KIF16B: variants seen among roughly 807,000 people sequenced by gnomAD.
KIF16B encodes kinesin family member 16B.
In KIF16B, 98 loss-of-function variants were observed where a neutral mutation model predicts 156.3. The ratio of observed to expected loss-of-function variants is 0.63; its 90% CI spans 0.53 to 0.74. The LOEUF is 0.74. Ranked by LOEUF, KIF16B falls within the 30% of genes least tolerant of loss-of-function variation. The pLI, the probability that KIF16B is intolerant of heterozygous loss-of-function variation, is 0.00. For synonymous variants in KIF16B, 564 were observed against 583.7 expected, an observed-to-expected ratio of 0.97 and a Z score of 0.49; for missense variants, 1,421 against 1,606.5, an observed-to-expected ratio of 0.88 and a Z score of 1.97.
chr20:16,370,396 G>T (rs1357213050), intron 22 of KIF16B, among the ~76,000 whole-genome samples, 190 bp downstream of exon 22: 1 of 152,124 alleles, frequency 6.6e-6, no homozygotes, highest in Admixed American at 6.5e-5. Context: ...TTCAAATAAA[G>T]TCAAAGCAGT....
intron 25 of KIF16B, among the ~76,000 whole-genome samples, chr20:16,294,380 G>T (rs7264985): frequency 0.15 from 23,289 of 152,110 alleles, 2,008 homozygotes; most frequent in East Asian, 0.33. Flanking sequence ...GCAGAAGCAT[G>T]GGGGTAGGAA....
intron 17 of KIF16B, among the ~76,000 whole-genome samples, chr20:16,385,104 G>A (rs2065196660): frequency 6.6e-6 from 1 of 151,996 alleles, no homozygotes; most frequent in African/African-American, 2.4e-5. Context: ...GGCTGAGGCA[G>A]GAGAATGGCT....
At chr20:16,513,853 C>CA (rs1156870438) in intron 4 of KIF16B, among the ~76,000 whole-genome samples, 7 of 151,974 alleles carry the variant, frequency 4.6e-5, no homozygotes, top group Admixed American at 4.6e-4. Flanking sequence ...AAAAATCAGG[C>CA]AAAATGATCT....
intron 1 of KIF16B, among the ~76,000 whole-genome samples, chr20:16,538,021 T>A (rs1252424385): frequency 6.6e-6 from 1 of 152,138 alleles, no homozygotes; most frequent in Non-Finnish European, 1.5e-5. Flanking sequence ...CATTTTCAAG[T>A]AAGGCTTGTC....
chr20:16,414,921 T>C (rs1467338364), intron 15 of KIF16B, among the ~76,000 whole-genome samples: 1 of 152,150 alleles, frequency 6.6e-6, no homozygotes, highest in Admixed American at 6.6e-5. Context: ...AACACTTGAT[T>C]ATAAACTAGG....
At chr20:16,384,276 C>A (rs1051147363) in intron 17 of KIF16B, among the ~76,000 whole-genome samples, 3 of 152,178 alleles carry the variant, frequency 2.0e-5, no homozygotes, top group African/African-American at 7.2e-5. Flanking sequence ...CCTGTCCCCA[C>A]CAGGCTCCCG....
At chr20:16,373,678 G>A (rs1027610008) in intron 20 of KIF16B, among the ~76,000 whole-genome samples, 3 of 152,146 alleles carry the variant, frequency 2.0e-5, no homozygotes, top group Non-Finnish European at 2.9e-5. Flanking sequence ...CTAGGTCTTC[G>A]TTTTTGTCAA....
chr20:16,464,733 AC>A (rs1204273377), intron 12 of KIF16B, among the ~76,000 whole-genome samples: 1 of 152,158 alleles, frequency 6.6e-6, no homozygotes, highest in Non-Finnish European at 1.5e-5. Flanking sequence ...TTTCTGGGGT[AC>A]CCAAGCGCCC....
intron 1 of KIF16B, among the ~76,000 whole-genome samples, chr20:16,547,366 G>A (rs910092266): frequency 2.0e-5 from 3 of 152,226 alleles, no homozygotes. Flanking sequence ...CCCCACATGG[G>A]TGACAGCAAA....
At chr20:16,374,455 C>A (rs756077011) in intron 19 of KIF16B, 46 bp from the exon 20 acceptor site, 5 of 1,449,510 alleles carry the variant, frequency 3.4e-6, no homozygotes, top group Non-Finnish European at 4.6e-6. Context: ...TAGTATTTCC[C>A]GAGCATCCTT....
intron 12 of KIF16B, among the ~76,000 whole-genome samples, chr20:16,434,303 T>C (rs1450031489): frequency 6.6e-6 from 1 of 152,128 alleles, no homozygotes; most frequent in Non-Finnish European, 1.5e-5. Context: ...CCAGATCTCG[T>C]GGGAAGAAGA....
intron 22 of KIF16B, among the ~76,000 whole-genome samples, chr20:16,361,675 G>A (rs1433482278): frequency 6.6e-6 from 1 of 152,160 alleles, no homozygotes; most frequent in East Asian, 1.9e-4. Flanking sequence ...TACAAGTTTT[G>A]ATATATATCC....
chr20:16,494,341 A>G lies in KIF16B; in HGVS notation c.1252T>C (p.Leu418=), dbSNP rs372030762. Residue 418 remains leucine, a synonymous_variant, in exon 12 of 26, where the codon TTG becomes CTG. Coordinates refer to ENST00000354981, the MANE Select transcript of KIF16B (RefSeq NM_024704.5). ...CACTTATTTGTCCATTCCTTGGTCAATTCTTGAACCTGAAAAGAAAAATAT... is the reference window on the plus strand; with the variant it reads ...CACTTATTTGTCCATTCCTTGGTCAGTTCTTGAACCTGAAAAGAAAAATAT... ...LQQNEARVQE[L]TKEWTNKWNE... 8.1e-6 allele frequency: 13 copies of G among 1,597,088 alleles called. No individual in the cohort carries two copies. In the African/African-American group the frequency reaches 1.8e-4, roughly 22 times the overall value.
intron 25 of KIF16B, among the ~76,000 whole-genome samples, chr20:16,301,934 G>C (rs2063478142): frequency 6.6e-6 from 1 of 152,190 alleles, no homozygotes; most frequent in South Asian, 2.1e-4. Flanking sequence ...ACAGGCGTGA[G>C]CCACCATGCT....
intron 12 of KIF16B, among the ~76,000 whole-genome samples, chr20:16,472,015 G>A (rs1273307966): frequency 6.6e-6 from 1 of 152,100 alleles, no homozygotes; most frequent in East Asian, 1.9e-4. Flanking sequence ...CATGAAACTA[G>A]GTATGAACAA....
chr20:16,287,031 C>A (rs555358785), intron 25 of KIF16B, among the ~76,000 whole-genome samples: 1 of 152,246 alleles, frequency 6.6e-6, no homozygotes, highest in East Asian at 1.9e-4. Flanking sequence ...CTGGGCCCTG[C>A]CCAAATTTTC....
chr20:16,383,104 CTCTCTG>C (rs1568918331), intron 17 of KIF16B, among the ~76,000 whole-genome samples: 2 of 152,108 alleles, frequency 1.3e-5, no homozygotes, highest in Admixed American at 6.5e-5. Context: ...AGCAATCCTC[CTCTCTG>C]TTTCCTGAGC....
At chr20:16,321,503 T>A (rs1252510388) in intron 24 of KIF16B, among the ~76,000 whole-genome samples, 1 of 152,110 alleles carries the variant, frequency 6.6e-6, no homozygotes, top group Non-Finnish European at 1.5e-5. Context: ...TGAACCAAGA[T>A]GTTTAAGTTT....
intron 15 of KIF16B, among the ~76,000 whole-genome samples, chr20:16,417,276 G>A (rs6043934): frequency 5.2e-4 from 79 of 152,210 alleles, no homozygotes; most frequent in African/African-American, 1.8e-3. Context: ...ACTGAACTAA[G>A]CGACAGACCA....
Sources: gnomAD v4.1 joint callset for allele counts (sites outside exome capture counted in the v4.1 genomes callset) on GRCh38, gnomAD v4.1.1 for gene constraint, MANE v1.5 for transcripts, NCBI Gene and HGNC (gene_info 2026-07-23, HGNC 2026-07-21) for gene names.